Variants in ADGRA3 observed in about 807,000 individuals in gnomAD.
ADGRA3 encodes the protein adhesion G protein-coupled receptor A3, also known as G-protein coupled receptor 125.
Under a neutral mutation model 119.8 loss-of-function variants are expected in ADGRA3, and 56 were observed. The observed-to-expected ratio is 0.47, with a 90% CI of 0.38 to 0.58. The LOEUF (loss-of-function observed/expected upper bound fraction) is 0.58, where lower values mean the gene tolerates loss of function less well. Ranked by LOEUF, ADGRA3 falls within the 20% of genes least tolerant of loss-of-function variation. The pLI, the probability that ADGRA3 is intolerant of heterozygous loss-of-function variation, is 0.00. For synonymous variants in ADGRA3, 607 were observed against 623.8 expected (o/e 0.97, Z 0.40); for missense variants, 1,516 against 1,649.0 (o/e 0.92, Z 1.40).
intron 16 of ADGRA3, among the ~76,000 whole-genome samples, chr4:22,398,536 C>T (rs1204045579): frequency 5.3e-5 from 8 of 152,052 alleles, no homozygotes; most frequent in Non-Finnish European, 1.2e-4. Flanking sequence ...TGTATCATCA[C>T]CCTACAACCT....
chr4:22,431,459 G>C (rs1716165815), intron 10 of ADGRA3, among the ~76,000 whole-genome samples: 1 of 152,220 alleles, frequency 6.6e-6, no homozygotes, highest in Non-Finnish European at 1.5e-5. Context: ...CTGGATGTGA[G>C]ACATGGAGTC....
At chr4:22,395,576 G>A (rs1714316820) in intron 16 of ADGRA3, among the ~76,000 whole-genome samples, 1 of 152,162 alleles carries the variant, frequency 6.6e-6, no homozygotes, top group Admixed American at 6.6e-5. Context: ...TAGTACGGCT[G>A]TCATTCAAAC....
chr4:22,429,481 C>G (rs1716072595), intron 10 of ADGRA3, among the ~76,000 whole-genome samples: 2 of 152,282 alleles, frequency 1.3e-5, no homozygotes, highest in South Asian at 4.2e-4. Context: ...CCACACAGGG[C>G]CTAGGCCATG....
At chr4:22,392,977 A>G (rs563661356) in intron 16 of ADGRA3, 28 of 273,356 alleles carry the variant, frequency 1.0e-4, no homozygotes, top group African/African-American at 5.7e-4. Flanking sequence ...CAGACATTAA[A>G]CCAAAAGTGT....
chr4:22,431,822 A>G (rs1716183095), intron 10 of ADGRA3, among the ~76,000 whole-genome samples: 1 of 152,134 alleles, frequency 6.6e-6, no homozygotes, highest in African/African-American at 2.4e-5. Flanking sequence ...GCTCATACTT[A>G]TTTCAATGTT....
intron 1 of ADGRA3, among the ~76,000 whole-genome samples, chr4:22,498,921 AAC>A (rs1456619515): frequency 7.4e-5 from 2 of 26,924 alleles, no homozygotes; most frequent in Non-Finnish European, 1.4e-4. Flanking sequence ...TCAAAAAAAA[AAC>A]AAAAAAAACA....
chr4:22,478,005 T>A (rs1261206470), intron 1 of ADGRA3: 1 of 152,150 alleles, frequency 6.6e-6, no homozygotes, highest in African/African-American at 2.4e-5. Context: ...TCAAACTTTC[T>A]AGGAGGTAAG....
At chr4:22,472,525 CTGTG>C (rs1289366629) in intron 2 of ADGRA3, among the ~76,000 whole-genome samples, 5 of 152,018 alleles carry the variant, frequency 3.3e-5, no homozygotes, top group Non-Finnish European at 7.4e-5. Context: ...AAAAATATTC[CTGTG>C]TGTTTCTGTA....
At chr4:22,488,306 G>C (rs1718505074) in intron 1 of ADGRA3, among the ~76,000 whole-genome samples, 1 of 151,350 alleles carries the variant, frequency 6.6e-6, no homozygotes, top group African/African-American at 2.4e-5. Context: ...CCTTGGTGCA[G>C]AACATTGGTT....
chr4:22,509,692 G>A (rs1283347845), intron 1 of ADGRA3, among the ~76,000 whole-genome samples: 1 of 151,832 alleles, frequency 6.6e-6, no homozygotes, highest in African/African-American at 2.4e-5. Flanking sequence ...GGGACAAGAT[G>A]GAGACTCAGG....
intron 1 of ADGRA3, among the ~76,000 whole-genome samples, chr4:22,506,663 T>C (rs1719251019): frequency 6.6e-6 from 1 of 152,208 alleles, no homozygotes. Context: ...GGGAGGCACC[T>C]ACCTCATCTC....
chr4:22,472,622 C>T (rs192591680), intron 2 of ADGRA3, among the ~76,000 whole-genome samples: 12 of 152,066 alleles, frequency 7.9e-5, no homozygotes, highest in Admixed American at 7.9e-4. Context: ...AGAACAGAGA[C>T]ACGCATAAAG....
chr4:22,445,639 T>C (rs1039481923), intron 5 of ADGRA3, among the ~76,000 whole-genome samples: 2 of 152,226 alleles, frequency 1.3e-5, no homozygotes, highest in African/African-American at 2.4e-5. Flanking sequence ...ATATTCTGTA[T>C]GTCTAACTAG....
chr4:22,481,068 A>G (rs1485959728), intron 1 of ADGRA3, among the ~76,000 whole-genome samples: 3 of 152,224 alleles, frequency 2.0e-5, no homozygotes, highest in South Asian at 2.1e-4. Flanking sequence ...ACACCTTGAC[A>G]TTTCTGATTT....
intron 12 of ADGRA3, among the ~76,000 whole-genome samples, chr4:22,415,771 T>C (rs1715402023): frequency 6.6e-6 from 1 of 152,060 alleles, no homozygotes; most frequent in South Asian, 2.1e-4. Flanking sequence ...AAATAGGGAA[T>C]AACATCTATA....
intron 16 of ADGRA3, among the ~76,000 whole-genome samples, chr4:22,400,655 C>A (rs1368887031): frequency 6.6e-6 from 1 of 151,364 alleles, no homozygotes; most frequent in African/African-American, 2.4e-5. Flanking sequence ...CTGTACTGTA[C>A]AGTGAACAAT....
chr4:22,413,108 A>C (rs549776155), intron 14 of ADGRA3, 74 bp downstream of exon 14: 4 of 1,147,410 alleles, frequency 3.5e-6, no homozygotes, highest in Admixed American at 4.3e-5. Flanking sequence ...ACAAAAAAAC[A>C]CTTCATTTGA....
chr4:22,467,079 A>T (rs1255074469), intron 2 of ADGRA3, among the ~76,000 whole-genome samples: 1 of 152,252 alleles, frequency 6.6e-6, no homozygotes, highest in Admixed American at 6.5e-5. Flanking sequence ...GTAGACAGTC[A>T]TGACATCTGT....
chr4:22,469,903 C>T (rs1172690070), intron 2 of ADGRA3, among the ~76,000 whole-genome samples: 2 of 152,216 alleles, frequency 1.3e-5, no homozygotes, highest in Non-Finnish European at 2.9e-5. Context: ...AGTGCTGGCA[C>T]TCCCAAACTT....
Sources: gnomAD v4.1 joint callset for allele counts (sites outside exome capture counted in the v4.1 genomes callset) on GRCh38, gnomAD v4.1.1 for gene constraint, MANE v1.5 for transcripts, NCBI Gene and HGNC (gene_info 2026-07-23, HGNC 2026-07-21) for gene names.